Variants in GPC6 observed in about 807,000 individuals in gnomAD.
GPC6 encodes glypican 6.
GPC6 carries 14 observed loss-of-function variants against 55.2 expected under a neutral mutation model. That is an observed-to-expected ratio of 0.25 (90% CI 0.17 to 0.40). GPC6 has a LOEUF of 0.40. Among genes scored for constraint, GPC6 ranks in the 10% least tolerant of loss-of-function variants. GPC6 has a pLI of 1.00. For missense variants in GPC6, 641 were observed against 708.5 expected (o/e 0.90, Z 1.08); for synonymous variants, 278 against 259.6 (o/e 1.07, Z -0.68).
intron 1 of GPC6, among the ~76,000 whole-genome samples, chr13:93,541,399 G>A (rs1355386792): frequency 1.9e-5 from 2 of 107,424 alleles, no homozygotes; most frequent in African/African-American, 7.2e-5. Context: ...GTGTATATGT[G>A]CCACATTTTC....
At chr13:94,162,044 T>C (rs979331501) in intron 4 of GPC6, among the ~76,000 whole-genome samples, 1 of 152,182 alleles carries the variant, frequency 6.6e-6, no homozygotes, top group Non-Finnish European at 1.5e-5. Flanking sequence ...GATTCAATTA[T>C]TTCCCACTGG....
At chr13:93,384,655 G>T (rs1428926645) in intron 1 of GPC6, among the ~76,000 whole-genome samples, 4 of 152,152 alleles carry the variant, frequency 2.6e-5, no homozygotes, top group African/African-American at 9.7e-5. Flanking sequence ...TGCACATTGT[G>T]TTCAACATAA....
intron 3 of GPC6, among the ~76,000 whole-genome samples, chr13:93,866,926 A>G (rs974507945): frequency 6.6e-6 from 1 of 151,824 alleles, no homozygotes; most frequent in Non-Finnish European, 1.5e-5. Flanking sequence ...TATAATGTAA[A>G]TAATTTTTAG....
chr13:93,919,719 A>T (rs1262302888), intron 3 of GPC6, among the ~76,000 whole-genome samples: 1 of 152,240 alleles, frequency 6.6e-6, no homozygotes, highest in African/African-American at 2.4e-5. Context: ...AAATGCTGAT[A>T]TTCCTGTGTC....
At chr13:93,612,537 A>ACACACG (rs1878524783) in intron 2 of GPC6, among the ~76,000 whole-genome samples, 1 of 151,696 alleles carries the variant, frequency 6.6e-6, no homozygotes, top group Non-Finnish European at 1.5e-5. Flanking sequence ...ACACACACAC[A>ACACACG]CACACAAACT....
In GPC6 at chr13:93,955,627, C is replaced by T. The variant is rs58304717; in HGVS notation, c.712-72102C>T. On this transcript the variant is annotated intron_variant, in intron 3 of 8. Coordinates refer to ENST00000377047, the MANE Select transcript of GPC6 (RefSeq NM_005708.5). ...AAGATGATTATGGGAGCATCTCCTA[C>T]ACAAGCAAGAGCTGTTCACAGGAAT... Among the ~76,000 whole-genome samples, 1,190 of 152,274 alleles carry T rather than the reference C, an allele frequency of 7.8e-3. 17 individuals carry two copies. Among genetic ancestry groups the T allele is most frequent in the African/African-American group, 0.027 (1,136 of 41,558 alleles).
chr13:93,550,980 C>T (rs1875128614), intron 2 of GPC6, among the ~76,000 whole-genome samples: 1 of 152,086 alleles, frequency 6.6e-6, no homozygotes, highest in Admixed American at 6.5e-5. Context: ...GGCAGAATTA[C>T]TTGTATCCTA....
chr13:93,750,825 T>C (rs1448534258), intron 2 of GPC6, among the ~76,000 whole-genome samples: 1 of 152,170 alleles, frequency 6.6e-6, no homozygotes, highest in African/African-American at 2.4e-5. Context: ...TTTAACTGCC[T>C]TGTTTCTGAA....
chr13:94,137,739 C>T (rs1887236503), intron 4 of GPC6, among the ~76,000 whole-genome samples: 1 of 152,110 alleles, frequency 6.6e-6, no homozygotes, highest in African/African-American at 2.4e-5. Flanking sequence ...TTAGAAATGG[C>T]TACTTTGGCA....
intron 4 of GPC6, among the ~76,000 whole-genome samples, chr13:94,161,822 T>A (rs2138914285): frequency 6.6e-6 from 1 of 152,234 alleles, no homozygotes; most frequent in South Asian, 2.1e-4. Context: ...GGGTAATTTA[T>A]ATGGAAAAAG....
chr13:93,855,151 C>G (rs1026310523), intron 3 of GPC6, among the ~76,000 whole-genome samples: 1 of 151,664 alleles, frequency 6.6e-6, no homozygotes, highest in African/African-American at 2.4e-5. Context: ...AATAATGCTG[C>G]CCTGAAAACT....
intron 4 of GPC6, among the ~76,000 whole-genome samples, chr13:94,143,294 A>G (rs1468663016): frequency 6.6e-6 from 1 of 152,180 alleles, no homozygotes; most frequent in Admixed American, 6.5e-5. Context: ...TATTACCAGC[A>G]AAAAGAGAAA....
At chr13:93,660,025 T>C (rs1310487938) in intron 2 of GPC6, among the ~76,000 whole-genome samples, 2 of 152,124 alleles carry the variant, frequency 1.3e-5, no homozygotes, top group African/African-American at 4.8e-5. Context: ...AACTGTTCTC[T>C]TTTTATTGCT....
intron 4 of GPC6, among the ~76,000 whole-genome samples, chr13:94,117,948 T>G (rs1886490511): frequency 6.6e-6 from 1 of 152,142 alleles, no homozygotes; most frequent in African/African-American, 2.4e-5. Flanking sequence ...GAAAACTTTT[T>G]GAAATGAAGG....
intron 6 of GPC6, among the ~76,000 whole-genome samples, chr13:94,363,395 A>G (rs887198278): frequency 6.6e-6 from 1 of 152,304 alleles, no homozygotes. Context: ...TTCTACTGTA[A>G]CCTAACTTCG....
chr13:94,377,432 A>C (rs1181415691), intron 6 of GPC6, among the ~76,000 whole-genome samples: 1 of 143,888 alleles, frequency 6.9e-6, no homozygotes, highest in Non-Finnish European at 1.5e-5. Flanking sequence ...GCAGCCAAAA[A>C]ACACATGAAA....
At chr13:94,245,413 T>G (rs1029692810) in intron 4 of GPC6, among the ~76,000 whole-genome samples, 18 of 150,692 alleles carry the variant, frequency 1.2e-4, no homozygotes, top group African/African-American at 3.7e-4. Context: ...AAAAAAAAAA[T>G]TTAAAAGCTA....
chr13:93,727,951 A>G (rs1883700429), intron 2 of GPC6, among the ~76,000 whole-genome samples: 2 of 151,980 alleles, frequency 1.3e-5, no homozygotes, highest in Admixed American at 1.3e-4. Context: ...GTTTGCTGTG[A>G]CTGTGTCCTT....
chr13:93,788,260 T>C (rs984891079), intron 2 of GPC6, among the ~76,000 whole-genome samples: 1 of 152,112 alleles, frequency 6.6e-6, no homozygotes, highest in East Asian at 1.9e-4. Flanking sequence ...GTAAGAATGC[T>C]ATGTCCTTAC....
Sources: allele counts gnomAD v4.1 joint callset (sites outside exome capture counted in the v4.1 genomes callset), GRCh38; gene constraint gnomAD v4.1.1; transcripts MANE v1.5; gene names NCBI Gene and HGNC (gene_info 2026-07-23, HGNC 2026-07-21).